The following SLC25A26 variants were observed in gnomAD, a reference collection of about 807,000 sequenced individuals.
SLC25A26 encodes mitochondrial S-adenosylmethionine carrier protein.
In SLC25A26, 36 loss-of-function variants were observed where a neutral mutation model predicts 37.8. The ratio of observed to expected loss-of-function variants is 0.95; its 90% CI spans 0.73 to 1.26. The LOEUF (loss-of-function observed/expected upper bound fraction) is 1.26, where lower values mean the gene tolerates loss of function less well. Ranked by LOEUF, SLC25A26 falls within the 50% of genes most tolerant of loss-of-function variation. The probability of loss-of-function intolerance (pLI) is 0.00; values close to 1 mark genes in which losing one functional copy is unlikely to be tolerated. For missense variants in SLC25A26, 390 were observed against 331.1 expected, an observed-to-expected ratio of 1.18 and a Z score of -1.38; for synonymous variants, 129 against 122.5, an observed-to-expected ratio of 1.05 and a Z score of -0.35.
chr3:66,269,755 T>G (rs2073890220), intron 5 of SLC25A26, among the ~76,000 whole-genome samples: 1 of 152,212 alleles, frequency 6.6e-6, no homozygotes, highest in Non-Finnish European at 1.5e-5. Context: ...AGGGAGAATT[T>G]TCCCCCTTCT....
At chr3:66,151,122 C>T (rs1473858998) in intron 1 of SLC25A26, among the ~76,000 whole-genome samples, 1 of 152,176 alleles carries the variant, frequency 6.6e-6, no homozygotes, top group African/African-American at 2.4e-5. Flanking sequence ...TATTTTTTCA[C>T]ATCCTTCTCT....
intron 9 of SLC25A26, chr3:66,371,264 G>T: frequency 6.5e-7 from 1 of 1,549,050 alleles, no homozygotes; most frequent in Non-Finnish European, 8.7e-7. Flanking sequence ...CAGAGGGTCG[G>T]TCGGCAGCTG....
At chr3:66,273,457 A>G (rs1002521167) in intron 5 of SLC25A26, among the ~76,000 whole-genome samples, 2 of 151,906 alleles carry the variant, frequency 1.3e-5, no homozygotes, top group Non-Finnish European at 2.9e-5. Flanking sequence ...TATTGCCACA[A>G]TTTCAGATCC....
upstream of SLC25A26, among the ~76,000 whole-genome samples, chr3:66,216,248 C>T (rs36174788): frequency 0.26 from 39,377 of 151,982 alleles, 5,754 homozygotes; most frequent in African/African-American, 0.39. Flanking sequence ...TGGAATGGGG[C>T]GCAGTGGCTC....
upstream of SLC25A26, chr3:66,220,872 C>G (rs36139379): frequency 6.6e-5 from 39 of 588,970 alleles, no homozygotes; most frequent in East Asian, 2.2e-4. Flanking sequence ...AGGGATTTGC[C>G]GAGACTTAGC....
chr3:66,369,728 T>C (rs996213064), intron 8 of SLC25A26, among the ~76,000 whole-genome samples, 186 bp downstream of exon 8: 2 of 152,238 alleles, frequency 1.3e-5, no homozygotes, highest in African/African-American at 2.4e-5. Flanking sequence ...CATAATATTG[T>C]ACCATTTCAC....
At chr3:66,350,064 G>C (rs1315724675) in intron 6 of SLC25A26, among the ~76,000 whole-genome samples, 1 of 152,072 alleles carries the variant, frequency 6.6e-6, no homozygotes, top group African/African-American at 2.4e-5. Context: ...TTTTATTTTT[G>C]TGTTTACAAT....
At chr3:66,204,441 A>G (rs1342588962) in intron 1 of SLC25A26, among the ~76,000 whole-genome samples, 25 of 89,382 alleles carry the variant, frequency 2.8e-4, no homozygotes, top group Middle Eastern at 4.5e-3. Context: ...AAAAAAAAAG[A>G]AAAAAAGAAA....
At chr3:66,175,144 C>T (rs757743301) in intron 1 of SLC25A26, among the ~76,000 whole-genome samples, 2,826 of 61,852 alleles carry the variant, frequency 0.046, 33 homozygotes, top group African/African-American at 0.093. Flanking sequence ...TATATATACA[C>T]ACACACACAC....
At chr3:66,298,333 A>T (rs2107544368) in intron 5 of SLC25A26, among the ~76,000 whole-genome samples, 1 of 152,340 alleles carries the variant, frequency 6.6e-6, no homozygotes, top group East Asian at 1.9e-4. Flanking sequence ...TCTCTAGTAA[A>T]ACTCCTTGTC....
intron 5 of SLC25A26, among the ~76,000 whole-genome samples, chr3:66,265,587 T>C (rs1484136705): frequency 6.6e-6 from 1 of 152,240 alleles, no homozygotes; most frequent in Admixed American, 6.5e-5. Context: ...TGAAATTCAT[T>C]GAAATCCCAA....
At chr3:66,362,069 G>A (rs1230507278) in intron 6 of SLC25A26, among the ~76,000 whole-genome samples, 1 of 152,198 alleles carries the variant, frequency 6.6e-6, no homozygotes, top group Admixed American at 6.5e-5. Context: ...TGGGAAAGAT[G>A]TGGAGAAACC....
In SLC25A26 at chr3:66,231,965, A is replaced by G. The variant is rs917870361; in HGVS notation, c.34-4579A>G. ...TTGTTGTTTTAAAGGCTATGTAGCAATTCATTATTTGTGTATAGCTTAATT... is the reference window on the plus strand; with the variant it reads ...TTGTTGTTTTAAAGGCTATGTAGCAGTTCATTATTTGTGTATAGCTTAATT... On this transcript the variant is annotated intron_variant, in intron 1 of 9. Transcript: ENST00000354883. Among the ~76,000 whole-genome samples, 4 of 152,088 alleles carry G rather than the reference A, an allele frequency of 2.6e-5. No individual in the cohort carries two copies. In the South Asian group the frequency reaches 6.2e-4, roughly 24 times the overall value.
chr3:66,304,363 T>G (rs2075157921), intron 5 of SLC25A26: 4 of 448,276 alleles, frequency 8.9e-6, no homozygotes, highest in Non-Finnish European at 1.3e-5. Context: ...TTCTTATGTC[T>G]CATATCTAAG....
intron 1 of SLC25A26, among the ~76,000 whole-genome samples, chr3:66,158,588 T>C (rs1349246329): frequency 6.6e-6 from 1 of 152,206 alleles, no homozygotes; most frequent in Non-Finnish European, 1.5e-5. Context: ...AGAGTTCCAA[T>C]TTCTCTATAG....
rs533711664 is a variant in SLC25A26 at position 66,288,430 on chromosome 3, C to T, written c.453+25051C>T. 1.1e-3 allele frequency among the ~76,000 whole-genome samples: 169 copies of T among 152,162 alleles called. 2 individuals are homozygous for T. The South Asian group carries it at 0.021, about 19-fold the overall frequency. On this transcript the variant is annotated intron_variant, in intron 5 of 9. Coordinates refer to ENST00000354883, the MANE Select transcript of SLC25A26 (RefSeq NM_001379210.1). ...TGGTGGTTTGCTGCAACCATCAACC[C>T]GTCTTATACATTAAGTATTTATCCT... is the stretch of plus-strand genomic sequence containing the variant.
At chr3:66,280,310 A>G (rs1002494520) in intron 5 of SLC25A26, among the ~76,000 whole-genome samples, 1 of 152,266 alleles carries the variant, frequency 6.6e-6, no homozygotes, top group East Asian at 1.9e-4. Flanking sequence ...CTTTTCATAT[A>G]TATTTTTTTC....
intron 1 of SLC25A26, among the ~76,000 whole-genome samples, chr3:66,154,778 G>C (rs985674924): frequency 6.6e-6 from 1 of 152,104 alleles, no homozygotes; most frequent in African/African-American, 2.4e-5. Context: ...CACAGCGCCC[G>C]GCGGGCCTTG....
intron 7 of SLC25A26, among the ~76,000 whole-genome samples, chr3:66,365,347 G>C (rs993757123): frequency 1.3e-5 from 2 of 152,154 alleles, no homozygotes; most frequent in Non-Finnish European, 2.9e-5. Flanking sequence ...AAACTACTTG[G>C]CGCAAATATC....
Sources: gnomAD v4.1 joint callset for allele counts (sites outside exome capture counted in the v4.1 genomes callset) on GRCh38, gnomAD v4.1.1 for gene constraint, MANE v1.5 for transcripts, NCBI Gene and HGNC (gene_info 2026-07-23, HGNC 2026-07-21) for gene names.